TPTE2: variants seen among roughly 807,000 people sequenced by gnomAD.
The protein encoded by TPTE2 is phosphatidylinositol 3,4,5-trisphosphate 3-phosphatase TPTE2.
In TPTE2, 53 loss-of-function variants were observed where a neutral mutation model predicts 78.6. The ratio of observed to expected loss-of-function variants is 0.67; its 90% CI spans 0.54 to 0.85. The LOEUF (loss-of-function observed/expected upper bound fraction) is 0.85. Ranked by LOEUF, TPTE2 falls within the 40% of genes least tolerant of loss-of-function variation. The pLI is 0.00. For synonymous variants in TPTE2, 175 were observed against 206.2 expected, an observed-to-expected ratio of 0.85 and a Z score of 1.30; for missense variants, 461 against 623.0, an observed-to-expected ratio of 0.74 and a Z score of 2.77.
chr13:19,551,071 C>T, the TPTE2 span, among the ~76,000 whole-genome samples: 1 of 152,098 alleles, frequency 6.6e-6, no homozygotes, highest in Non-Finnish European at 1.5e-5. Context: ...TCCTTAATAT[C>T]AGATATTTTG....
chr13:19,448,063 A>C lies in TPTE2; in HGVS notation c.973+2013T>G, dbSNP rs1340414642. Among the ~76,000 whole-genome samples, 9 of 152,232 alleles carry C rather than the reference A, an allele frequency of 5.9e-5. No individual in the cohort carries two copies. The East Asian group carries it at 1.7e-3, about 29-fold the overall frequency. ...TCAGCTGATGTTCAACAAAGGTGCCAAGAATCCAAGATGGGGAAAGGACAG... is the reference window on the plus strand; with the variant it reads ...TCAGCTGATGTTCAACAAAGGTGCCCAGAATCCAAGATGGGGAAAGGACAG... On this transcript the variant is annotated intron_variant, in intron 13 of 19. Coordinates refer to ENST00000400230, the Ensembl canonical transcript of TPTE2.
In TPTE2 at chr13:19,450,129, C is replaced by T. The variant is rs759311452; in HGVS notation, c.920G>A (p.Trp307Ter). The change falls in exon 13 of 20, where the codon TGG becomes TAG. Residue 307 changes from tryptophan (W) to a stop codon, truncating the protein, a stop_gained. Transcript: ENST00000400230. LOFTEE classifies it high-confidence loss of function. Reference sequence around the variant, plus strand: ...GATGTTTTCAAGATCTTGAGCCATCCACTCATTTACTTCCTTGGTGAAAAC... The same window carrying T: ...GATGTTTTCAAGATCTTGAGCCATCTACTCATTTACTTCCTTGGTGAAAAC... 4.3e-6 allele frequency: 7 copies of T among 1,611,326 alleles called. No homozygotes were observed. Among genetic ancestry groups the T allele is most frequent in the Non-Finnish European group, 5.9e-6 (7 of 1,179,538 alleles).
intron 10 of TPTE2, among the ~76,000 whole-genome samples, chr13:19,452,824 T>C (rs1229336218): frequency 2.0e-5 from 3 of 152,054 alleles, no homozygotes; most frequent in African/African-American, 7.2e-5. Flanking sequence ...GAAAAAGCCT[T>C]ATGCGCAAAG....
At chr13:19,538,516 A>T (rs1018825609), upstream of TPTE2, among the ~76,000 whole-genome samples, 1 of 147,902 alleles carries the variant, frequency 6.8e-6, no homozygotes, top group Non-Finnish European at 1.5e-5. Flanking sequence ...CACCACGCCC[A>T]GCCTTTTTTT....
chr13:19,436,227 T>A, exon 15 of TPTE2: 3 of 1,609,696 alleles, frequency 1.9e-6, no homozygotes, highest in South Asian at 2.2e-5. Context: ...AAAACTTACC[T>A]GAGAAGGAGT....
chr13:19,469,284 T>C (rs1266803771), intron 6 of TPTE2, among the ~76,000 whole-genome samples: 1 of 152,148 alleles, frequency 6.6e-6, no homozygotes, highest in East Asian at 1.9e-4. Context: ...AGAGACGTCT[T>C]TTGTTCAATG....
chr13:19,525,684 A>G (rs189646528), intron 1 of TPTE2, among the ~76,000 whole-genome samples: 13 of 152,324 alleles, frequency 8.5e-5, no homozygotes, highest in Admixed American at 3.3e-4. Flanking sequence ...ACAAAAACAA[A>G]AACAGACAAG....
the TPTE2 span, among the ~76,000 whole-genome samples, chr13:19,548,078 G>A: frequency 6.6e-6 from 1 of 152,106 alleles, no homozygotes; most frequent in African/African-American, 2.4e-5. Flanking sequence ...TAAGGTGACA[G>A]GTTAATTGTG....
chr13:19,478,221 GC>G (rs1880093765), intron 4 of TPTE2, among the ~76,000 whole-genome samples: 2 of 151,988 alleles, frequency 1.3e-5, no homozygotes, highest in South Asian at 4.2e-4. Flanking sequence ...GAGTGAACAG[GC>G]AACCTACAGA....
chr13:19,459,633 C>T (rs1593369482), intron 10 of TPTE2, among the ~76,000 whole-genome samples: 1 of 152,260 alleles, frequency 6.6e-6, no homozygotes, highest in East Asian at 1.9e-4. Context: ...CCCCTCCCGC[C>T]AGGAGCTCCA....
In TPTE2 at chr13:19,465,456, C is replaced by T. The variant is rs1356943414; in HGVS notation, c.612+9G>A. The stretch of plus-strand genomic sequence containing the variant: ...TTTTCTGAATCATAAGCATGTTTTG[C>T]CCACTTACCAGCCTTCTCATCAGCT... On this transcript the variant is annotated intron_variant, in intron 8 of 19. Coordinates refer to ENST00000400230, the Ensembl canonical transcript of TPTE2. 2 of 1,608,440 alleles carry T rather than the reference C, an allele frequency of 1.2e-6. No individual in the cohort carries two copies. The highest frequency in any genetic ancestry group is 1.3e-5 in the African/African-American group (1 of 74,428).
chr13:19,429,948 C>T (rs1478796287), intron 17 of TPTE2, among the ~76,000 whole-genome samples: 2 of 152,190 alleles, frequency 1.3e-5, no homozygotes, highest in African/African-American at 2.4e-5. Flanking sequence ...TCCCACAGAA[C>T]GTCTGACTTA....
Position 19,436,309 on chromosome 13 carries a change from A to T in TPTE2, c.1036-3T>A. On this transcript the variant is annotated splice_polypyrimidine_tract_variant and splice_region_variant and intron_variant, in intron 14 of 19. Coordinates refer to ENST00000400230, the Ensembl canonical transcript of TPTE2. The stretch of plus-strand genomic sequence containing the variant: ...TCTCCAAAATAATATAGGCTTTCCT[A>T]CAAAAAAGGGTACAATCCAACCATG... 1 of 1,612,312 alleles carries T rather than the reference A, an allele frequency of 6.2e-7. No homozygotes were observed. The highest frequency in any genetic ancestry group is 8.5e-7 in the Non-Finnish European group (1 of 1,179,040).
chr13:19,510,512 G>A (rs1869363832), intron 1 of TPTE2, among the ~76,000 whole-genome samples: 1 of 151,920 alleles, frequency 6.6e-6, no homozygotes, highest in Non-Finnish European at 1.5e-5. Context: ...TCCCAGGGAG[G>A]GAATTAATCT....
At chr13:19,432,771 T>C (rs944274785) in intron 15 of TPTE2, among the ~76,000 whole-genome samples, 193 bp from the exon 19 acceptor site, 4 of 151,414 alleles carry the variant, frequency 2.6e-5, no homozygotes, top group African/African-American at 9.7e-5. Context: ...GGAAAAATAC[T>C]GAATTCAGTG....
chr13:19,510,087 A>T (rs917791862), intron 1 of TPTE2, among the ~76,000 whole-genome samples: 7 of 152,240 alleles, frequency 4.6e-5, no homozygotes, highest in African/African-American at 1.7e-4. Flanking sequence ...TCATGAAGAG[A>T]ATGAAGAACA....
chr13:19,505,473 G>A (rs1868949339), upstream of TPTE2, among the ~76,000 whole-genome samples: 1 of 152,064 alleles, frequency 6.6e-6, no homozygotes, highest in African/African-American at 2.4e-5. Flanking sequence ...ACTGCAGTCT[G>A]TAAGGAAACA....
intron 17 of TPTE2, among the ~76,000 whole-genome samples, chr13:19,427,642 G>T (rs1452557708): frequency 6.6e-6 from 1 of 152,094 alleles, no homozygotes; most frequent in East Asian, 1.9e-4. Flanking sequence ...GGGCCTGCAT[G>T]CTCCTCCCAA....
the TPTE2 span, among the ~76,000 whole-genome samples, chr13:19,559,404 A>G: frequency 7.2e-5 from 11 of 152,190 alleles, no homozygotes; most frequent in African/African-American, 2.2e-4. Flanking sequence ...AAAAATAAAT[A>G]TAGTGTTATT....
Sources: gnomAD v4.1 joint callset for allele counts (sites outside exome capture counted in the v4.1 genomes callset) on GRCh38, gnomAD v4.1.1 for gene constraint, MANE v1.5 for transcripts, NCBI Gene and HGNC (gene_info 2026-07-23, HGNC 2026-07-21) for gene names.